Variants in CFAP92 observed in about 807,000 individuals in gnomAD.
The protein encoded by CFAP92 is cilia and flagella associated protein 92 (putative).
In CFAP92, 86 loss-of-function variants were observed where a neutral mutation model predicts 106.3. The ratio of observed to expected loss-of-function variants is 0.81; its 90% CI spans 0.68 to 0.97. The LOEUF (loss-of-function observed/expected upper bound fraction) is 0.97, where lower values mean the gene tolerates loss of function less well. Among genes scored for constraint, CFAP92 ranks in the 50% least tolerant of loss-of-function variants. The pLI, the probability that CFAP92 is intolerant of heterozygous loss-of-function variation, is 0.00. For missense variants in CFAP92, 1,204 were observed against 1,283.8 expected (o/e 0.94, Z 0.95); for synonymous variants, 477 against 506.4 (o/e 0.94, Z 0.78).
chr3:128,964,188 A>G (rs1437541272), intron 9 of CFAP92, among the ~76,000 whole-genome samples: 2 of 152,240 alleles, frequency 1.3e-5, no homozygotes. Context: ...TCCGTCTTCA[A>G]GAAAAGTAGA....
At chr3:128,921,005 A>G (rs889612082) in intron 12 of CFAP92, among the ~76,000 whole-genome samples, 4 of 152,164 alleles carry the variant, frequency 2.6e-5, no homozygotes, top group Admixed American at 1.3e-4. Context: ...CTTTCTTTCA[A>G]CCCCCACATC....
At chr3:129,004,085 G>A (rs1307099665), upstream of CFAP92, 4 of 1,488,202 alleles carry the variant, frequency 2.7e-6, no homozygotes, top group African/African-American at 1.4e-5. Flanking sequence ...CAGGTGAGCG[G>A]GGGCGCGTGC....
At chr3:128,922,026 ACT>A (rs1488714554) in intron 12 of CFAP92, among the ~76,000 whole-genome samples, 1 of 151,898 alleles carries the variant, frequency 6.6e-6, no homozygotes. Context: ...GGAATAATTG[ACT>A]CTGATTATAC....
At chr3:128,937,810 C>T (rs957780673) in intron 10 of CFAP92, among the ~76,000 whole-genome samples, 2 of 152,114 alleles carry the variant, frequency 1.3e-5, no homozygotes, top group African/African-American at 4.8e-5. Context: ...CCTGTAATCC[C>T]AGCACTTTGG....
the CFAP92 span, among the ~76,000 whole-genome samples, chr3:129,026,060 C>G: frequency 6.6e-6 from 1 of 152,256 alleles, no homozygotes; most frequent in African/African-American, 2.4e-5. Context: ...GTTTCCTCCT[C>G]TGTAAATGGA....
chr3:128,985,752 T>C (rs1370401236), intron 4 of CFAP92, among the ~76,000 whole-genome samples: 4 of 152,202 alleles, frequency 2.6e-5, no homozygotes, highest in Non-Finnish European at 5.9e-5. Flanking sequence ...TTCTTTCCTA[T>C]AGTCCAGGTG....
chr3:128,912,721 C>G (rs745374223), intron 15 of CFAP92: 2 of 1,014,164 alleles, frequency 2.0e-6, no homozygotes, highest in Non-Finnish European at 3.1e-6. Flanking sequence ...GCCTTTTGTT[C>G]CCCGTCTGCA....
At chr3:128,990,252 T>C (rs934445100) in intron 2 of CFAP92, among the ~76,000 whole-genome samples, 1 of 152,264 alleles carries the variant, frequency 6.6e-6, no homozygotes, top group Admixed American at 6.5e-5. Context: ...ATCCTAGCAC[T>C]TTGGGAGGCC....
the CFAP92 span, among the ~76,000 whole-genome samples, chr3:129,016,458 A>G: frequency 6.6e-6 from 1 of 151,824 alleles, no homozygotes; most frequent in Non-Finnish European, 1.5e-5. Flanking sequence ...CCTGAAGTCC[A>G]CAAAAGGGAA....
At chr3:128,939,591 C>G (rs1939422044) in intron 10 of CFAP92, among the ~76,000 whole-genome samples, 1 of 152,118 alleles carries the variant, frequency 6.6e-6, no homozygotes, top group Non-Finnish European at 1.5e-5. Context: ...ACCCCACACC[C>G]CTCAGCTATC....
intron 12 of CFAP92, among the ~76,000 whole-genome samples, chr3:128,923,721 CAGAA>C (rs767626556): frequency 7.2e-5 from 11 of 152,210 alleles, no homozygotes; most frequent in Non-Finnish European, 1.2e-4. Flanking sequence ...AATTTAAAAA[CAGAA>C]AGACCTTTTG....
intron 12 of CFAP92, among the ~76,000 whole-genome samples, chr3:128,918,941 T>A (rs899479659): frequency 2.1e-5 from 1 of 48,640 alleles, no homozygotes; most frequent in Non-Finnish European, 3.3e-5. Context: ...TCAGATTGGA[T>A]TTTTTTTTTT....
intron 1 of CFAP92, chr3:129,001,835 C>T (rs1944777248): frequency 3.9e-6 from 6 of 1,545,556 alleles, no homozygotes; most frequent in Non-Finnish European, 5.2e-6. Context: ...TGGACTGCCG[C>T]GGCGCCGGCC....
chr3:128,983,721 C>G (rs1260891491), intron 4 of CFAP92, among the ~76,000 whole-genome samples: 1 of 152,232 alleles, frequency 6.6e-6, no homozygotes, highest in East Asian at 1.9e-4. Context: ...TGGAAGAATG[C>G]CCAGCTGGCT....
intron 10 of CFAP92, among the ~76,000 whole-genome samples, chr3:128,935,909 G>GA (rs926138455): frequency 1.1e-4 from 17 of 151,858 alleles, no homozygotes; most frequent in South Asian, 2.1e-4. Context: ...TAAAAGGATA[G>GA]AAAAAAAACA....
chr3:128,975,975 C>G, intron 6 of CFAP92, 72 bp from the exon 7 acceptor site: 1 of 1,475,916 alleles, frequency 6.8e-7, no homozygotes, highest in Non-Finnish European at 9.1e-7. Flanking sequence ...AATCTATTTA[C>G]TGATGGACTA....
chr3:129,000,073 C>T (rs1461422934), intron 1 of CFAP92, among the ~76,000 whole-genome samples: 1 of 152,200 alleles, frequency 6.6e-6, no homozygotes, highest in Non-Finnish European at 1.5e-5. Context: ...TCCGCTCATC[C>T]TCGTTTGCTG....
intron 9 of CFAP92, among the ~76,000 whole-genome samples, chr3:128,960,420 C>T (rs1442765152): frequency 6.6e-6 from 1 of 152,224 alleles, no homozygotes; most frequent in Non-Finnish European, 1.5e-5. Flanking sequence ...TCTTTTGACT[C>T]TCTTCTCCAA....
intron 1 of CFAP92, chr3:129,001,898 G>A (rs1219566745): frequency 1.2e-5 from 19 of 1,538,066 alleles, no homozygotes; most frequent in Admixed American, 4.0e-5. Context: ...GGCTGCGCGC[G>A]GAGGGGGCCA....
Sources: allele counts gnomAD v4.1 joint callset (sites outside exome capture counted in the v4.1 genomes callset), GRCh38; gene constraint gnomAD v4.1.1; transcripts MANE v1.5; gene names NCBI Gene and HGNC (gene_info 2026-07-23, HGNC 2026-07-21).